Variants in DNAH6 observed in about 807,000 individuals in gnomAD.
DNAH6 encodes the protein axonemal beta dynein heavy chain 6.
A neutral mutation model predicts 491.4 loss-of-function variants in DNAH6; 340 were observed. That is an observed-to-expected ratio of 0.69 (90% CI 0.63 to 0.76). The LOEUF is 0.76. DNAH6 is among the 30% of genes least tolerant of loss of function. The pLI is 0.00. For synonymous variants in DNAH6, 1,603 were observed against 1,686.1 expected (o/e 0.95, Z 1.21); for missense variants, 4,443 against 4,972.2 (o/e 0.89, Z 3.20).
intron 37 of DNAH6, among the ~76,000 whole-genome samples, chr2:84,667,189 C>T (rs980522344): frequency 6.6e-6 from 1 of 152,100 alleles, no homozygotes; most frequent in Non-Finnish European, 1.5e-5. Flanking sequence ...TAGGCATGGG[C>T]AAGGACTTCA....
intron 49 of DNAH6, among the ~76,000 whole-genome samples, chr2:84,702,525 C>G (rs1034793853): frequency 6.7e-6 from 1 of 150,306 alleles, no homozygotes; most frequent in East Asian, 1.9e-4. Context: ...TTTTTGAAAT[C>G]TGCCCATTTG....
chr2:84,584,195 G>A lies in DNAH6; in HGVS notation c.2426G>A (p.Gly809Asp). 6.2e-7 allele frequency: 1 copy of A among 1,614,156 alleles called. No homozygotes were observed. The change falls in exon 15 of 77, where the codon GGT becomes GAT. Residue 809 changes from glycine to aspartate, a missense_variant. Transcript: ENST00000389394. ...ATTAAGCAATTTTGTGTGCATTTGGGTAGTGATCTTGAAGAATTAAACAAC... is the reference window on the plus strand; with the variant it reads ...ATTAAGCAATTTTGTGTGCATTTGGATAGTGATCTTGAAGAATTAAACAAC... ...SSIKQFCVHL[G>D]SDLEELNNEV...
chr2:84,518,103 A>G, intron 2 of DNAH6, 52 bp downstream of exon 2: 1 of 1,406,066 alleles, frequency 7.1e-7, no homozygotes, highest in South Asian at 1.4e-5. Context: ...GGAAGTTGTA[A>G]AATTGCTTTG....
chr2:84,781,546 T>C lies in DNAH6; in HGVS notation c.10757T>C (p.Val3586Ala). 2 of 1,551,658 alleles carry C rather than the reference T, an allele frequency of 1.3e-6. No individual in the cohort carries two copies. The highest frequency in any genetic ancestry group is 1.7e-6 in the Non-Finnish European group (2 of 1,146,912). Residue 3586 changes from valine to alanine, a missense_variant, in exon 65 of 77, where the codon GTC becomes GCC. This residue lies in a region of DNAH6 where 1,463 missense variants were observed against 1,656.6 expected (regional missense o/e 0.88). Coordinates refer to ENST00000389394, the MANE Select transcript of DNAH6 (RefSeq NM_001370.2). ...QGQGPIAEKMVKDAMKSGNWV... is the reference protein window; with the variant it reads ...QGQGPIAEKMAKDAMKSGNWV... ...CAAGGACCTATTGCTGAAAAAATGG[T>C]CAAGGATGCAATGAAATCAGGAAAC...
intron 64 of DNAH6, among the ~76,000 whole-genome samples, chr2:84,772,217 A>G (rs758939087): frequency 3.3e-5 from 5 of 152,300 alleles, no homozygotes; most frequent in African/African-American, 4.8e-5. Context: ...TATATACAAT[A>G]TAGTAAAAGA....
At chr2:84,726,072 G>A (rs1698597896) in intron 60 of DNAH6, among the ~76,000 whole-genome samples, 1 of 152,144 alleles carries the variant, frequency 6.6e-6, no homozygotes, top group African/African-American at 2.4e-5. Context: ...GACACAATCA[G>A]GCCCCTTTAC....
intron 11 of DNAH6, among the ~76,000 whole-genome samples, chr2:84,559,377 GT>G (rs1680414431): frequency 6.6e-6 from 1 of 152,012 alleles, no homozygotes; most frequent in Admixed American, 6.6e-5. Context: ...ACATTGGATG[GT>G]GCAGAGAAAA....
At chr2:84,772,981 A>G (rs1675773199) in intron 64 of DNAH6, among the ~76,000 whole-genome samples, 1 of 152,144 alleles carries the variant, frequency 6.6e-6, no homozygotes, top group South Asian at 2.1e-4. Flanking sequence ...TTAGAAATAA[A>G]TAACAGAAGG....
At chr2:84,776,089 A>G (rs1281632593) in intron 64 of DNAH6, among the ~76,000 whole-genome samples, 2 of 152,186 alleles carry the variant, frequency 1.3e-5, no homozygotes, top group African/African-American at 4.8e-5. Context: ...AATGTACACT[A>G]TTGACATATA....
At position 84,607,022 on chromosome 2, in the gene DNAH6, C is replaced by A; in HGVS notation, c.3221C>A (p.Ser1074Ter). The A allele has an allele frequency of 1.3e-6, 2 of 1,551,442 alleles. No individual in the cohort carries two copies. Among genetic ancestry groups the A allele is most frequent in the Non-Finnish European group, 1.7e-6 (2 of 1,146,796 alleles). ...ATCAATGTTGCAACTCTTGCCTCATCACGTTACCTTGGTCCACTGAAAACT... is the reference window on the plus strand; with the variant it reads ...ATCAATGTTGCAACTCTTGCCTCATAACGTTACCTTGGTCCACTGAAAACT... ...STINVATLAS[S>*]RYLGPLKTRV... Residue 1074 changes from serine to a stop codon, truncating the protein, a stop_gained, in exon 21 of 77, where the codon TCA becomes TAA. Transcript: ENST00000389394. LOFTEE classifies it high-confidence loss of function.
In DNAH6 at chr2:84,669,337, A is replaced by G. The variant is rs1165253412; in HGVS notation, c.6133A>G (p.Lys2045Glu). The G allele has an allele frequency of 6.5e-6, 10 of 1,549,826 alleles. No homozygotes were observed. In the East Asian group the frequency reaches 2.2e-4, roughly 34 times the overall value. Residue 2045 changes from lysine (K) to glutamate (E), a missense_variant, in exon 38 of 77, where the codon AAA (lysine) becomes GAA (glutamate). Lys to Glu is a moderately conservative substitution (Grantham distance 56). Transcript: ENST00000389394. Reference protein sequence around the residue: ...LWSIHMDFDTKRLDPWERIIP... With the variant: ...LWSIHMDFDTERLDPWERIIP... ...GAGCATTCATATGGACTTTGACACC[A>G]AACGGCTGGATCCCTGGGAACGAAT...
intron 64 of DNAH6, among the ~76,000 whole-genome samples, chr2:84,770,819 C>CAA (rs143959664): frequency 6.6e-6 from 1 of 151,588 alleles, no homozygotes; most frequent in Non-Finnish European, 1.5e-5. Flanking sequence ...CCTGCCTCTA[C>CAA]AAAAAATAAT....
Position 84,673,827 on chromosome 2 carries a change from GTTAAGGGTGA to G in DNAH6, c.6612+1346_6612+1355del, listed in dbSNP as rs1212302960. The stretch of plus-strand genomic sequence containing the variant: ...AGATTGTGCCCACAATTAAGGGTTG[GTTAAGGGTGA>G]TTCTGCCTTTCTCAGCCCACTGACT... On this transcript the variant is annotated intron_variant, in intron 40 of 76. Coordinates refer to ENST00000389394, the MANE Select transcript of DNAH6 (RefSeq NM_001370.2). Among the ~76,000 whole-genome samples, 642 of 152,342 alleles carry G rather than the reference GTTAAGGGTGA, an allele frequency of 4.2e-3. 3 individuals are homozygous for G. The highest frequency in any genetic ancestry group is 0.014 in the African/African-American group (601 of 41,568).
Position 84,787,169 on chromosome 2 carries a change from AAAG to A in DNAH6, c.11110_11112del (p.Lys3704del). On this transcript the variant is annotated inframe_deletion, in exon 68 of 77. Transcript: ENST00000389394. ...ATTTTCATTTTTCATTTTAGGAGAG[AAAG>A]AAGTTTGGCCCCCTTGGTTGGAATA... 6.6e-7 allele frequency: 1 copy of A among 1,504,196 alleles called. No individual in the cohort carries two copies. 93.2% of individuals were successfully genotyped at this position (1,504,196 alleles called of 1,614,324 possible).
intron 61 of DNAH6, among the ~76,000 whole-genome samples, chr2:84,728,169 T>C (rs1331989794): frequency 6.6e-6 from 1 of 152,240 alleles, no homozygotes; most frequent in Non-Finnish European, 1.5e-5. Flanking sequence ...CCTTTTGCCT[T>C]CTGCCATGAT....
At chr2:84,529,301 T>A in intron 4 of DNAH6, 135 bp downstream of exon 4, 1 of 708,774 alleles carries the variant, frequency 1.4e-6, no homozygotes, top group Non-Finnish European at 2.2e-6. Flanking sequence ...AAATGAATCC[T>A]AATCACAACA....
chr2:84,468,507 C>G, the DNAH6 span, among the ~76,000 whole-genome samples: 2 of 152,078 alleles, frequency 1.3e-5, no homozygotes, highest in African/African-American at 4.8e-5. Context: ...ATTTCTTATG[C>G]CAAATGACTG....
At chr2:84,670,927 T>C (rs992018370) in intron 39 of DNAH6, among the ~76,000 whole-genome samples, 1 of 152,164 alleles carries the variant, frequency 6.6e-6, no homozygotes, top group Non-Finnish European at 1.5e-5. Context: ...ATAACTAGCA[T>C]AACTTTCTGG....
intron 63 of DNAH6, among the ~76,000 whole-genome samples, chr2:84,747,609 G>A (rs531311862): frequency 6.6e-5 from 10 of 152,236 alleles, no homozygotes; most frequent in African/African-American, 1.9e-4. Flanking sequence ...CTGAGGGTGC[G>A]CACTGCCAAT....
Sources: allele counts gnomAD v4.1 joint callset (sites outside exome capture counted in the v4.1 genomes callset), GRCh38; gene constraint gnomAD v4.1.1; regional missense constraint gnomAD v4.1.1; transcripts MANE v1.5; gene names NCBI Gene and HGNC (gene_info 2026-07-23, HGNC 2026-07-21).